The following MARCHF1 variants were observed in gnomAD, a reference collection of about 807,000 sequenced individuals.
MARCHF1 encodes the protein membrane associated ring-CH-type finger 1.
A neutral mutation model predicts 54.2 loss-of-function variants in MARCHF1; 40 were observed. The ratio of observed to expected loss-of-function variants is 0.74; its 90% CI spans 0.57 to 0.96. The LOEUF (loss-of-function observed/expected upper bound fraction) is 0.96, where lower values mean the gene tolerates loss of function less well. MARCHF1 is among the 40% of genes least tolerant of loss of function. The pLI is 0.00. For synonymous variants in MARCHF1, 236 were observed against 236.3 expected (o/e 1.00, Z 0.01); for missense variants, 586 against 656.5 (o/e 0.89, Z 1.17).
chr4:164,159,101 C>G (rs11943320), intron 1 of MARCHF1, among the ~76,000 whole-genome samples: 29,049 of 152,054 alleles, frequency 0.19, 4,420 homozygotes, highest in African/African-American at 0.41. Flanking sequence ...GTGGCAATGG[C>G]CAAATTACTT....
At chr4:164,004,551 C>T (rs1179906803) in intron 2 of MARCHF1, among the ~76,000 whole-genome samples, 1 of 151,762 alleles carries the variant, frequency 6.6e-6, no homozygotes, top group African/African-American at 2.4e-5. Flanking sequence ...ATTATTTTAT[C>T]AAGTGAAAAT....
At chr4:164,181,199 A>C (rs992575672) in intron 1 of MARCHF1, among the ~76,000 whole-genome samples, 1 of 152,136 alleles carries the variant, frequency 6.6e-6, no homozygotes, top group Non-Finnish European at 1.5e-5. Flanking sequence ...ATTTGTGTGA[A>C]CACGTCCTCT....
At chr4:164,252,886 C>T (rs1733168543) in intron 1 of MARCHF1, among the ~76,000 whole-genome samples, 2 of 152,072 alleles carry the variant, frequency 1.3e-5, no homozygotes, top group South Asian at 4.2e-4. Context: ...TCTTAGCAGT[C>T]CTAGAGTGGA....
At chr4:164,223,527 G>GTGT (rs1397627859) in intron 1 of MARCHF1, among the ~76,000 whole-genome samples, 1 of 152,006 alleles carries the variant, frequency 6.6e-6, no homozygotes, top group African/African-American at 2.4e-5. Flanking sequence ...AGATATTTAT[G>GTGT]TGTTCTAAAT....
intron 2 of MARCHF1, among the ~76,000 whole-genome samples, chr4:164,107,844 TAAAAGTTGGA>T (rs1755740951): frequency 6.6e-6 from 1 of 152,038 alleles, no homozygotes; most frequent in South Asian, 2.1e-4. Context: ...GGTTTGAGAT[TAAAAGTTGGA>T]AAAAGGGAAG....
intron 4 of MARCHF1, among the ~76,000 whole-genome samples, chr4:163,845,486 C>T (rs1749459356): frequency 6.6e-6 from 1 of 151,660 alleles, no homozygotes; most frequent in African/African-American, 2.4e-5. Flanking sequence ...CACACACACA[C>T]ACACACACAC....
chr4:163,827,210 GA>G (rs1748877924), intron 4 of MARCHF1, among the ~76,000 whole-genome samples: 1 of 151,958 alleles, frequency 6.6e-6, no homozygotes, highest in Non-Finnish European at 1.5e-5. Flanking sequence ...GAACCTCTCT[GA>G]AACATATTGA....
rs754193381 is a variant in MARCHF1, at chr4:163,648,916, T to TG, written c.163-35524dup. ...AAGGTATTGCTACAGACACAATCTT[T>TG]GGGGGAAAAAAAAAAACCTTACAGG... On this transcript the variant is annotated intron_variant, in intron 5 of 9. Coordinates refer to ENST00000514618, the MANE Select transcript of MARCHF1 (RefSeq NM_001394959.1). Among the ~76,000 whole-genome samples, 115 of 127,720 alleles carry TG rather than the reference T, an allele frequency of 9.0e-4. 1 individual carries two copies. The highest frequency in any genetic ancestry group is 4.4e-3 in the African/African-American group (101 of 23,178). The allele number at this position is 127,720 out of a possible 152,430, so 83.8% of individuals were successfully genotyped here.
intron 2 of MARCHF1, among the ~76,000 whole-genome samples, chr4:164,060,695 T>G (rs1754596809): frequency 6.6e-6 from 1 of 152,124 alleles, no homozygotes; most frequent in African/African-American, 2.4e-5. Flanking sequence ...GGAACAGAAC[T>G]TGGAAAAATA....
Position 164,173,259 on chromosome 4 carries a change from AAAG to A in MARCHF1, c.-322-61600_-322-61598del, listed in dbSNP as rs772270898. Among the ~76,000 whole-genome samples, 22 of 152,108 alleles carry A rather than the reference AAAG, an allele frequency of 1.4e-4. 1 individual carries two copies. The South Asian group carries it at 4.6e-3, about 32-fold the overall frequency. ...GCTGATGGCAAATATAATTTATTTA[AAAG>A]ATGATCAATAAAATTAACAATTGGT... On this transcript the variant is annotated intron_variant, in intron 1 of 9. Transcript: ENST00000514618.
chr4:163,900,926 A>T (rs1750926198), intron 3 of MARCHF1, among the ~76,000 whole-genome samples: 1 of 152,220 alleles, frequency 6.6e-6, no homozygotes, highest in South Asian at 2.1e-4. Flanking sequence ...TGGTTCCAGG[A>T]TGACATTACT....
intron 4 of MARCHF1, among the ~76,000 whole-genome samples, chr4:163,740,969 C>T (rs376430288): frequency 6.6e-6 from 1 of 152,184 alleles, no homozygotes; most frequent in Admixed American, 6.5e-5. Context: ...CACTTACACT[C>T]TTCAGGTTGC....
chr4:163,854,222 G>T, intron 3 of MARCHF1, 53 bp from the exon 4 acceptor site: 1 of 1,258,866 alleles, frequency 7.9e-7, no homozygotes, highest in Non-Finnish European at 1.0e-6. Flanking sequence ...GCTGTGTTTT[G>T]GAAAATACAT....
chr4:164,251,249 G>A (rs1232960484), intron 1 of MARCHF1, among the ~76,000 whole-genome samples: 3 of 151,880 alleles, frequency 2.0e-5, no homozygotes, highest in Non-Finnish European at 4.4e-5. Context: ...TTTTTCTAAC[G>A]TTCAAAGGCA....
At chr4:163,572,235 T>G (rs1452551786) in intron 8 of MARCHF1, among the ~76,000 whole-genome samples, 1 of 152,058 alleles carries the variant, frequency 6.6e-6, no homozygotes, top group Non-Finnish European at 1.5e-5. Context: ...CTTAAGCTAC[T>G]GTAGATATGA....
chr4:164,284,319 T>TGAGAGA (rs1221486050), intron 1 of MARCHF1, among the ~76,000 whole-genome samples: 18 of 126,150 alleles, frequency 1.4e-4, no homozygotes, highest in African/African-American at 5.8e-4. Flanking sequence ...CTAAAGAAAG[T>TGAGAGA]GAGAGAGAGA....
intron 1 of MARCHF1, among the ~76,000 whole-genome samples, chr4:164,256,832 C>T (rs1733303045): frequency 1.3e-5 from 2 of 152,088 alleles, no homozygotes; most frequent in South Asian, 2.1e-4. Context: ...TGGTACAGTC[C>T]ATTTGGTGTG....
intron 1 of MARCHF1, among the ~76,000 whole-genome samples, chr4:164,262,547 T>A (rs1247062618): frequency 1.3e-5 from 2 of 152,164 alleles, no homozygotes; most frequent in Admixed American, 1.3e-4. Flanking sequence ...AACAGGAACA[T>A]CTAGTCCTCA....
chr4:164,070,238 G>T (rs930105841), intron 2 of MARCHF1, among the ~76,000 whole-genome samples: 1 of 152,054 alleles, frequency 6.6e-6, no homozygotes, highest in African/African-American at 2.4e-5. Context: ...TAAAATAAAA[G>T]TTTAAATTAA....
Sources: gnomAD v4.1 joint callset for allele counts (sites outside exome capture counted in the v4.1 genomes callset) on GRCh38, gnomAD v4.1.1 for gene constraint, MANE v1.5 for transcripts, NCBI Gene and HGNC (gene_info 2026-07-23, HGNC 2026-07-21) for gene names.